KCNH1: variants seen among roughly 807,000 people sequenced by gnomAD.
The protein encoded by KCNH1 is voltage-gated delayed rectifier potassium channel KCNH1.
Under a neutral mutation model 69.2 loss-of-function variants are expected in KCNH1, and 27 were observed. That is an observed-to-expected ratio of 0.39 (90% CI 0.29 to 0.54). The LOEUF is 0.54. Among genes scored for constraint, KCNH1 ranks in the 20% least tolerant of loss-of-function variants. The pLI, the probability that KCNH1 is intolerant of heterozygous loss-of-function variation, is 0.68. For synonymous variants in KCNH1, 456 were observed against 487.7 expected (o/e 0.93, Z 0.86); for missense variants, 798 against 1,261.6 (o/e 0.63, Z 5.57).
In KCNH1 at chr1:210,827,736, T is replaced by C. The variant is rs371710982; in HGVS notation, c.1463-23570A>G. Among the ~76,000 whole-genome samples the C allele has an allele frequency of 3.3e-5, 5 of 152,212 alleles. No individual in the cohort carries two copies. The South Asian group carries it at 8.3e-4, about 25-fold the overall frequency. ...CATAATGGTAGTTAGGAGCATAGCT[T>C]TGGGGTCAGAGGGTTCTGATTCACA... On this transcript the variant is annotated intron_variant, in intron 7 of 10. Coordinates refer to ENST00000271751, the MANE Select transcript of KCNH1 (RefSeq NM_172362.3).
At chr1:211,058,607 C>CA (rs1014544757) in intron 5 of KCNH1, among the ~76,000 whole-genome samples, 60 of 150,948 alleles carry the variant, frequency 4.0e-4, no homozygotes, top group South Asian at 1.3e-3. Context: ...AATACATCCA[C>CA]AAAAAAAAGC....
At position 211,023,591 on chromosome 1, in the gene KCNH1, G is replaced by C. The variant is rs750346211; in HGVS notation, c.559-4335C>G. ...TACCACATGTTCCGCTCATATATGA[G>C]AGCTAAAAAAGCTGACCTCCTAGAA... On this transcript the variant is annotated intron_variant, in intron 5 of 10. Transcript: ENST00000271751. Among the ~76,000 whole-genome samples, 2 of 152,012 alleles carry C rather than the reference G, an allele frequency of 1.3e-5. 1 individual carries two copies. The highest frequency in any genetic ancestry group is 2.9e-5 in the Non-Finnish European group (2 of 67,980).
At chr1:211,002,408 T>G (rs1689206205) in intron 6 of KCNH1, among the ~76,000 whole-genome samples, 1 of 150,710 alleles carries the variant, frequency 6.6e-6, no homozygotes, top group Non-Finnish European at 1.5e-5. Context: ...TTTTTTGAAA[T>G]TTCATGTAGA....
intron 9 of KCNH1, among the ~76,000 whole-genome samples, chr1:210,784,555 A>G (rs548702854): frequency 3.3e-5 from 5 of 152,210 alleles, no homozygotes; most frequent in Non-Finnish European, 7.3e-5. Flanking sequence ...CAACAAAGAA[A>G]GGAAGCAATG....
At chr1:210,990,275 T>C (rs1389519547) in intron 6 of KCNH1, among the ~76,000 whole-genome samples, 1 of 152,226 alleles carries the variant, frequency 6.6e-6, no homozygotes, top group Non-Finnish European at 1.5e-5. Flanking sequence ...ATGGCTAAGC[T>C]GCCAACACCA....
intron 7 of KCNH1, among the ~76,000 whole-genome samples, chr1:210,824,420 C>T (rs1375401676): frequency 6.6e-6 from 1 of 151,656 alleles, no homozygotes; most frequent in Non-Finnish European, 1.5e-5. Flanking sequence ...CTTAAAAATC[C>T]CCTCACTGCA....
chr1:210,704,433 G>A (rs567479836), intron 10 of KCNH1, among the ~76,000 whole-genome samples: 18 of 152,230 alleles, frequency 1.2e-4, no homozygotes, highest in African/African-American at 4.3e-4. Flanking sequence ...TGCTAAAACC[G>A]GAAGGGACCT....
At chr1:210,797,459 C>A (rs2102400215) in intron 9 of KCNH1, 49 bp downstream of exon 9, 1 of 1,596,714 alleles carries the variant, frequency 6.3e-7, no homozygotes, top group East Asian at 2.2e-5. Flanking sequence ...TGCCCAGAAG[C>A]TAAGCCAACC....
chr1:210,846,152 T>C, intron 7 of KCNH1, among the ~76,000 whole-genome samples: 1 of 152,222 alleles, frequency 6.6e-6, no homozygotes, highest in Non-Finnish European at 1.5e-5. Flanking sequence ...TGGCCGTACT[T>C]CCCAAGGTAA....
intron 6 of KCNH1, among the ~76,000 whole-genome samples, chr1:210,944,346 C>A (rs1687922075): frequency 6.6e-6 from 1 of 152,166 alleles, no homozygotes; most frequent in Non-Finnish European, 1.5e-5. Flanking sequence ...GACACAATCC[C>A]ATGTTTGTAC....
At chr1:211,021,963 A>C (rs1689593471) in intron 5 of KCNH1, among the ~76,000 whole-genome samples, 1 of 152,152 alleles carries the variant, frequency 6.6e-6, no homozygotes, top group Non-Finnish European at 1.5e-5. Context: ...TCACAGAAAT[A>C]GAAAAAATTA....
At chr1:210,820,609 G>C (rs1684909687) in intron 7 of KCNH1, among the ~76,000 whole-genome samples, 4 of 152,126 alleles carry the variant, frequency 2.6e-5, no homozygotes. Context: ...ACTCCAGCCT[G>C]GGCGACAGAG....
intron 10 of KCNH1, among the ~76,000 whole-genome samples, chr1:210,739,899 A>G (rs989451099): frequency 2.6e-5 from 4 of 152,174 alleles, no homozygotes; most frequent in African/African-American, 9.7e-5. Flanking sequence ...TCTAGGGCCT[A>G]TATTCTGCAG....
At chr1:210,880,094 AAAAT>A (rs982045827) in intron 7 of KCNH1, among the ~76,000 whole-genome samples, 2 of 152,154 alleles carry the variant, frequency 1.3e-5, no homozygotes, top group Admixed American at 6.5e-5. Flanking sequence ...ATTAAAGAAG[AAAAT>A]AAATAGAGAG....
chr1:210,786,517 T>C (rs1684106998), intron 9 of KCNH1, among the ~76,000 whole-genome samples: 2 of 152,128 alleles, frequency 1.3e-5, no homozygotes, highest in Admixed American at 1.3e-4. Flanking sequence ...CGGGCTCCTA[T>C]AAATTGGTAT....
intron 7 of KCNH1, among the ~76,000 whole-genome samples, chr1:210,901,446 G>T (rs1009347404): frequency 6.6e-6 from 1 of 152,202 alleles, no homozygotes; most frequent in Non-Finnish European, 1.5e-5. Context: ...GGTCAGGTTG[G>T]ATGGGGATGT....
Position 211,018,913 on chromosome 1 carries a change from A to G in KCNH1, c.902T>C (p.Leu301Pro). ...GATGACATCATATGGCAAACAGGAC[A>G]GAAGGTCAATCACAAACCACGTCTT... The part of the protein sequence containing the change: ...YLKTWFVIDL[L>P]SCLPYDVINA... Residue 301 changes from leucine (L) to proline (P), a missense_variant, in exon 6 of 11, where the codon CTG becomes CCG. Leu to Pro is a moderately conservative substitution (Grantham distance 98). This residue lies in a region of KCNH1 where 266 missense variants were observed against 457.2 expected (regional missense o/e 0.58). Coordinates refer to ENST00000271751, the MANE Select transcript of KCNH1 (RefSeq NM_172362.3). 1.2e-6 allele frequency: 2 copies of G among 1,614,116 alleles called. No homozygotes were observed. Among genetic ancestry groups the G allele is most frequent in the Non-Finnish European group, 1.7e-6 (2 of 1,179,984 alleles).
intron 10 of KCNH1, among the ~76,000 whole-genome samples, chr1:210,705,614 C>T (rs575671649): frequency 3.6e-4 from 55 of 152,296 alleles, no homozygotes; most frequent in African/African-American, 1.3e-3. Context: ...CTAAATCTGA[C>T]ACCATTGCTT....
intron 6 of KCNH1, among the ~76,000 whole-genome samples, chr1:211,006,728 G>A (rs1424946097): frequency 6.6e-6 from 1 of 151,884 alleles, no homozygotes; most frequent in African/African-American, 2.4e-5. Flanking sequence ...AAGACATACT[G>A]TTTCATTATT....
Sources: gnomAD v4.1 joint callset for allele counts (sites outside exome capture counted in the v4.1 genomes callset) on GRCh38, gnomAD v4.1.1 for gene constraint, gnomAD v4.1.1 regional missense constraint, MANE v1.5 for transcripts, NCBI Gene and HGNC (gene_info 2026-07-23, HGNC 2026-07-21) for gene names.